PHLPP1: variants seen among roughly 807,000 people sequenced by gnomAD.
PHLPP1 encodes PH domain leucine-rich repeat-containing protein phosphatase 1.
In PHLPP1, 42 loss-of-function variants were observed where a neutral mutation model predicts 117.2. The observed-to-expected ratio is 0.36, with a 90% CI of 0.28 to 0.46. The LOEUF (loss-of-function observed/expected upper bound fraction) is 0.46, where lower values mean the gene tolerates loss of function less well. PHLPP1 is among the 20% of genes least tolerant of loss of function. PHLPP1 has a pLI of 1.00. For missense variants in PHLPP1, 2,084 were observed against 2,241.9 expected, an observed-to-expected ratio of 0.93 and a Z score of 1.42; for synonymous variants, 1,042 against 970.7, an observed-to-expected ratio of 1.07 and a Z score of -1.37.
At chr18:62,896,111 A>G (rs978458094) in intron 6 of PHLPP1, 100 bp downstream of exon 6, 3 of 678,160 alleles carry the variant, frequency 4.4e-6, no homozygotes, top group Non-Finnish European at 7.7e-6. Context: ...GGGTAATTGA[A>G]TGTGGGCCCG....
At chr18:62,739,719 G>A (rs1288079667) in intron 1 of PHLPP1, among the ~76,000 whole-genome samples, 2 of 152,220 alleles carry the variant, frequency 1.3e-5, no homozygotes, top group South Asian at 2.1e-4. Context: ...TAGGTGGGAA[G>A]AGGGTCGTCT....
chr18:62,846,737 A>C (rs1441788114), intron 3 of PHLPP1, among the ~76,000 whole-genome samples: 2 of 152,210 alleles, frequency 1.3e-5, no homozygotes, highest in African/African-American at 4.8e-5. Context: ...CAGTCTATGA[A>C]GTTAGAGAAC....
intron 4 of PHLPP1, among the ~76,000 whole-genome samples, chr18:62,873,937 C>T (rs1462608941): frequency 6.6e-6 from 1 of 152,114 alleles, no homozygotes; most frequent in Non-Finnish European, 1.5e-5. Context: ...GTAATCCCAG[C>T]ACTTTGGGGG....
chr18:62,817,212 GGA>G (rs1914306127), intron 1 of PHLPP1, among the ~76,000 whole-genome samples: 1 of 152,202 alleles, frequency 6.6e-6, no homozygotes, highest in African/African-American at 2.4e-5. Flanking sequence ...CCAAAGTGCT[GGA>G]ATTGTAGGTG....
rs71353376 is a variant in PHLPP1, at chr18:62,979,739, A to G, written c.*308A>G. The G allele has an allele frequency of 0.064, 17,339 of 271,592 alleles. 760 individuals carry two copies. The highest frequency in any genetic ancestry group is 0.086 in the Non-Finnish European group (12,468 of 145,670). The allele number at this position is 271,592 out of a possible 1,614,324, so 16.8% of individuals were successfully genotyped here. A position where few individuals can be genotyped will look rare whatever the true frequency, so the allele number is the denominator to read the frequency against. On this transcript the variant is annotated 3_prime_UTR_variant, in exon 17 of 17. Transcript: ENST00000262719. ...CAGAGAAACAGTTAATGATAATGTAATATTTTTTAAAATGGCTTTTTGTTG... is the reference window on the plus strand; with the variant it reads ...CAGAGAAACAGTTAATGATAATGTAGTATTTTTTAAAATGGCTTTTTGTTG...
chr18:62,734,190 C>T (rs1911303313), intron 1 of PHLPP1, among the ~76,000 whole-genome samples: 1 of 151,972 alleles, frequency 6.6e-6, no homozygotes, highest in Non-Finnish European at 1.5e-5. Flanking sequence ...TGCTGTTTAT[C>T]TTCTGAAGGG....
chr18:62,945,158 A>G lies in PHLPP1; in HGVS notation c.3211A>G (p.Lys1071Glu), dbSNP rs1910241497. The G allele has an allele frequency of 3.1e-6, 5 of 1,612,562 alleles. No homozygotes were observed. The highest frequency in any genetic ancestry group is 1.1e-5 in the South Asian group (1 of 90,670). ...TGAAGAAATTGATCTCAGTGGGAAT[A>G]AGCTGAAAGCCATCCCAACAACGAT... ...ELEEIDLSGN[K>E]LKAIPTTIMN... is the part of the protein sequence containing the mutation. Residue 1071 changes from lysine to glutamate, a missense_variant, in exon 12 of 17, where the codon AAG becomes GAG. Transcript: ENST00000262719.
At chr18:62,890,951 A>C (rs1916391240) in intron 4 of PHLPP1, among the ~76,000 whole-genome samples, 1 of 152,152 alleles carries the variant, frequency 6.6e-6, no homozygotes, top group South Asian at 2.1e-4. Flanking sequence ...TTTTGTTTGT[A>C]CTAGAGCAGC....
chr18:62,878,595 A>G (rs1314935105), intron 4 of PHLPP1, among the ~76,000 whole-genome samples: 1 of 152,200 alleles, frequency 6.6e-6, no homozygotes, highest in South Asian at 2.1e-4. Flanking sequence ...GGATGATGAC[A>G]CCAGAACTGG....
intron 4 of PHLPP1, among the ~76,000 whole-genome samples, chr18:62,887,094 G>C (rs1916304061): frequency 6.6e-6 from 1 of 152,162 alleles, no homozygotes; most frequent in Admixed American, 6.5e-5. Flanking sequence ...AGAATGAAAA[G>C]ATAGTGCTTT....
chr18:62,723,744 A>G (rs966857181), intron 1 of PHLPP1, among the ~76,000 whole-genome samples: 1 of 152,152 alleles, frequency 6.6e-6, no homozygotes, highest in African/African-American at 2.4e-5. Context: ...TTTTCCTTTT[A>G]TCTCACACTG....
At chr18:62,969,828 A>G (rs1000947910) in intron 14 of PHLPP1, among the ~76,000 whole-genome samples, 8 of 152,338 alleles carry the variant, frequency 5.3e-5, no homozygotes, top group African/African-American at 1.9e-4. Flanking sequence ...CTTTTAAAAA[A>G]TCCTTTTACT....
chr18:62,892,392 G>C (rs1916450323), intron 4 of PHLPP1, among the ~76,000 whole-genome samples: 1 of 151,792 alleles, frequency 6.6e-6, no homozygotes, highest in African/African-American at 2.4e-5. Context: ...CCCGGCCAGA[G>C]TGTCGTTGTC....
At chr18:62,744,603 C>T (rs947621717) in intron 1 of PHLPP1, among the ~76,000 whole-genome samples, 2 of 152,152 alleles carry the variant, frequency 1.3e-5, no homozygotes, top group Non-Finnish European at 2.9e-5. Flanking sequence ...AGTAGGTGCT[C>T]AATTCTTATT....
At chr18:62,916,103 A>G (rs1909268301) in intron 9 of PHLPP1, among the ~76,000 whole-genome samples, 1 of 152,100 alleles carries the variant, frequency 6.6e-6, no homozygotes, top group African/African-American at 2.4e-5. Context: ...CTTGCTTGGT[A>G]AGCCTAGTAA....
At chr18:62,750,694 T>C (rs1205781685) in intron 1 of PHLPP1, among the ~76,000 whole-genome samples, 1 of 151,736 alleles carries the variant, frequency 6.6e-6, no homozygotes, top group Non-Finnish European at 1.5e-5. Flanking sequence ...TAGTTTAACA[T>C]AGGGAGGGTG....
chr18:62,901,750 A>C (rs1332818320), intron 6 of PHLPP1, among the ~76,000 whole-genome samples: 1 of 151,232 alleles, frequency 6.6e-6, no homozygotes, highest in Admixed American at 6.6e-5. Flanking sequence ...CAGCTTCCCG[A>C]GTAGCTGGGA....
intron 9 of PHLPP1, among the ~76,000 whole-genome samples, chr18:62,915,593 C>T (rs557703034): frequency 6.6e-5 from 10 of 152,226 alleles, no homozygotes; most frequent in South Asian, 4.2e-4. Context: ...AACAGCCACG[C>T]GATGACTTCT....
chr18:62,800,030 A>C (rs947707005), intron 1 of PHLPP1, among the ~76,000 whole-genome samples: 1 of 152,164 alleles, frequency 6.6e-6, no homozygotes, highest in Non-Finnish European at 1.5e-5. Flanking sequence ...GAGTGGAAGA[A>C]GAGATTTATA....
Sources: gnomAD v4.1 joint callset for allele counts (sites outside exome capture counted in the v4.1 genomes callset) on GRCh38, gnomAD v4.1.1 for gene constraint, MANE v1.5 for transcripts, NCBI Gene and HGNC (gene_info 2026-07-23, HGNC 2026-07-21) for gene names.